ADD3: variants seen among roughly 807,000 people sequenced by gnomAD.
The protein encoded by ADD3 is gamma-adducin.
Under a neutral mutation model 80.2 loss-of-function variants are expected in ADD3, and 25 were observed. The observed-to-expected ratio is 0.31, with a 90% CI of 0.23 to 0.44. The LOEUF (loss-of-function observed/expected upper bound fraction) is 0.44, where lower values mean the gene tolerates loss of function less well. ADD3 is among the 20% of genes least tolerant of loss of function. The probability of loss-of-function intolerance (pLI) is 1.00; values close to 1 mark genes in which losing one functional copy is unlikely to be tolerated. For synonymous variants in ADD3, 284 were observed against 289.6 expected (o/e 0.98, Z 0.20); for missense variants, 829 against 847.5 (o/e 0.98, Z 0.27).
chr10:110,061,439 G>A (rs529142256), intron 1 of ADD3, among the ~76,000 whole-genome samples: 1 of 152,254 alleles, frequency 6.6e-6, no homozygotes, highest in South Asian at 2.1e-4. Context: ...GGATTGACTG[G>A]AGTCAGCTTT....
chr10:109,998,514 A>T (rs1428419830), intron 1 of ADD3, among the ~76,000 whole-genome samples: 1 of 152,180 alleles, frequency 6.6e-6, no homozygotes, highest in Non-Finnish European at 1.5e-5. Context: ...TGCACATAGC[A>T]GCCAGGAAAT....
At chr10:110,075,513 A>G (rs533455752) in intron 1 of ADD3, 1 of 152,346 alleles carries the variant, frequency 6.6e-6, no homozygotes, top group Non-Finnish European at 1.5e-5. Context: ...CCCCAAAAGG[A>G]AACAGACTGA....
intron 1 of ADD3, among the ~76,000 whole-genome samples, chr10:110,059,536 G>T (rs564735950): frequency 6.6e-6 from 1 of 151,678 alleles, no homozygotes; most frequent in Middle Eastern, 3.2e-3. Flanking sequence ...GCCAAGGCAG[G>T]CAGATCACGA....
intron 1 of ADD3, among the ~76,000 whole-genome samples, chr10:110,025,551 C>G (rs561034165): frequency 6.5e-4 from 93 of 143,056 alleles, no homozygotes; most frequent in African/African-American, 2.3e-3. Flanking sequence ...CGTAGGAATT[C>G]TCTGTATACT....
chr10:110,105,730 C>T (rs907538297), intron 2 of ADD3, among the ~76,000 whole-genome samples: 6 of 152,112 alleles, frequency 3.9e-5, no homozygotes, highest in African/African-American at 9.7e-5. Flanking sequence ...CGAGGAGAAA[C>T]GTCAAAGGCA....
upstream of ADD3, chr10:110,005,785 C>T (rs1043802217): frequency 1.3e-5 from 2 of 152,350 alleles, no homozygotes; most frequent in Non-Finnish European, 2.9e-5. Flanking sequence ...TGACCTCCCA[C>T]AGCTGTACTC....
chr10:110,041,873 T>C (rs1166707273), intron 1 of ADD3, among the ~76,000 whole-genome samples: 4 of 152,228 alleles, frequency 2.6e-5, no homozygotes, highest in South Asian at 4.1e-4. Flanking sequence ...AAAATTCTTT[T>C]GGGATCACAG....
intron 14 of ADD3, chr10:110,132,710 G>A (rs897520191): frequency 8.0e-5 from 20 of 250,552 alleles, no homozygotes; most frequent in African/African-American, 2.5e-4. Flanking sequence ...GGTGGATCAC[G>A]AGGTCAGGAG....
At chr10:110,036,365 T>C (rs1855643003) in intron 1 of ADD3, among the ~76,000 whole-genome samples, 1 of 150,644 alleles carries the variant, frequency 6.6e-6, no homozygotes, top group Non-Finnish European at 1.5e-5. Flanking sequence ...TTACATAGTT[T>C]AGAAAGTGTC....
chr10:110,050,875 T>C (rs1857441774), intron 1 of ADD3, among the ~76,000 whole-genome samples: 1 of 152,190 alleles, frequency 6.6e-6, no homozygotes, highest in Non-Finnish European at 1.5e-5. Flanking sequence ...CATCAAGCCA[T>C]ATTATATTGC....
upstream of ADD3, chr10:110,007,959 C>A (rs1327215807): frequency 6.6e-6 from 1 of 150,922 alleles, no homozygotes; most frequent in Non-Finnish European, 1.5e-5. Context: ...AAGGGACGCT[C>A]GAGGGGCGCT....
intron 1 of ADD3, among the ~76,000 whole-genome samples, chr10:110,042,201 C>T (rs1856448412): frequency 6.6e-6 from 1 of 152,114 alleles, no homozygotes; most frequent in Non-Finnish European, 1.5e-5. Flanking sequence ...AGAAGACAGC[C>T]ACCTATTCTG....
At chr10:110,039,427 A>G (rs1371296649) in intron 1 of ADD3, among the ~76,000 whole-genome samples, 1 of 152,196 alleles carries the variant, frequency 6.6e-6, no homozygotes, top group Admixed American at 6.5e-5. Flanking sequence ...GGCATGATGC[A>G]GTGGCAGAGA....
At chr10:110,072,454 G>C (rs1408339586) in intron 1 of ADD3, among the ~76,000 whole-genome samples, 2 of 152,224 alleles carry the variant, frequency 1.3e-5, no homozygotes, top group African/African-American at 4.8e-5. Context: ...GTACGTGTGA[G>C]AGGTATACCC....
chr10:110,010,063 C>T (rs771772922), intron 1 of ADD3, among the ~76,000 whole-genome samples: 11 of 152,212 alleles, frequency 7.2e-5, no homozygotes, highest in Non-Finnish European at 1.2e-4. Flanking sequence ...CAATATTATG[C>T]TGGCATGAAT....
chr10:110,108,619 A>G (rs1260471105), intron 2 of ADD3, among the ~76,000 whole-genome samples: 1 of 152,192 alleles, frequency 6.6e-6, no homozygotes, highest in East Asian at 1.9e-4. Context: ...AAATTTACTG[A>G]TAAATTTAAA....
intron 1 of ADD3, among the ~76,000 whole-genome samples, chr10:110,034,002 A>G (rs933143896): frequency 6.6e-6 from 1 of 152,234 alleles, no homozygotes; most frequent in Non-Finnish European, 1.5e-5. Flanking sequence ...AAGTACAGCA[A>G]TTAAGTACAG....
chr10:110,099,152 C>T (rs571762122), intron 1 of ADD3, among the ~76,000 whole-genome samples: 2 of 148,306 alleles, frequency 1.3e-5, no homozygotes, highest in East Asian at 2.0e-4. Flanking sequence ...TGATCTGGAA[C>T]TCCTGGGCTC....
intron 1 of ADD3, among the ~76,000 whole-genome samples, chr10:110,072,922 G>C (rs1050364223): frequency 1.3e-5 from 2 of 152,000 alleles, no homozygotes; most frequent in African/African-American, 4.8e-5. Context: ...CCTTGGCTTT[G>C]GTTTACTTTT....
Sources: allele counts gnomAD v4.1 joint callset (sites outside exome capture counted in the v4.1 genomes callset), GRCh38; gene constraint gnomAD v4.1.1; transcripts MANE v1.5; gene names NCBI Gene and HGNC (gene_info 2026-07-23, HGNC 2026-07-21).